PAX9: variants seen among roughly 807,000 people sequenced by gnomAD.
PAX9 encodes the protein paired box protein Pax-9.
In PAX9, 6 loss-of-function variants were observed where a neutral mutation model predicts 29.1. The ratio of observed to expected loss-of-function variants is 0.21; its 90% CI spans 0.11 to 0.41. The LOEUF (loss-of-function observed/expected upper bound fraction) is 0.41, where lower values mean the gene tolerates loss of function less well. Among genes scored for constraint, PAX9 ranks in the 10% least tolerant of loss-of-function variants. The pLI, the probability that PAX9 is intolerant of heterozygous loss-of-function variation, is 1.00. For synonymous variants in PAX9, 217 were observed against 211.7 expected (o/e 1.03, Z -0.22); for missense variants, 443 against 479.1 (o/e 0.92, Z 0.70).
chr14:36,662,243 G>T, intron 1 of PAX9, 150 bp downstream of exon 1: 1 of 952,750 alleles, frequency 1.0e-6, no homozygotes, highest in South Asian at 1.7e-5. Flanking sequence ...CAAGTTGTAG[G>T]AACACGCTAA....
chr14:36,662,554 T>G, intron 1 of PAX9: 1 of 441,166 alleles, frequency 2.3e-6, no homozygotes. Context: ...CTCAAGGACT[T>G]TAGTGAGGAG....
intron 3 of PAX9, among the ~76,000 whole-genome samples, 188 bp downstream of exon 3, chr14:36,666,789 T>G (rs1278522023): frequency 6.6e-6 from 1 of 152,162 alleles, no homozygotes; most frequent in Non-Finnish European, 1.5e-5. Flanking sequence ...AAGGCGGAGC[T>G]GGGGCCTCGA....
Position 36,677,180 on chromosome 14 carries a change from CCT to C in PAX9, c.*733_*734del, listed in dbSNP as rs1166431320. On this transcript the variant is annotated 3_prime_UTR_variant, in exon 4 of 4. Coordinates refer to ENST00000361487, the MANE Select transcript of PAX9 (RefSeq NM_001372076.1). Reference sequence around the variant, plus strand: ...TATTCCCCTCCCCTCAGCCCCACCCCCTCTCTATTTTTTTCTTTCTTTTTTGC... The same window carrying C: ...TATTCCCCTCCCCTCAGCCCCACCCCCTCTATTTTTTTCTTTCTTTTTTGC... 1 of 152,278 alleles carries C rather than the reference CCT, an allele frequency of 6.6e-6. No homozygotes were observed. Among genetic ancestry groups the C allele is most frequent in the Non-Finnish European group, 1.5e-5 (1 of 68,166 alleles). 9.4% of individuals were successfully genotyped at this position (152,278 alleles called of 1,614,324 possible). A position where few individuals can be genotyped will look rare whatever the true frequency, so the allele number is the denominator to read the frequency against.
upstream of PAX9, among the ~76,000 whole-genome samples, chr14:36,658,160 T>G (rs923980986): frequency 1.3e-5 from 2 of 151,938 alleles, no homozygotes; most frequent in African/African-American, 2.4e-5. Context: ...GAGGGCCGAG[T>G]TCTGGAGAAG....
intron 3 of PAX9, among the ~76,000 whole-genome samples, chr14:36,668,492 G>A (rs1041244202): frequency 1.3e-5 from 2 of 152,226 alleles, no homozygotes; most frequent in South Asian, 2.1e-4. Flanking sequence ...GGGTTCAAGC[G>A]GTTCTCCTGC....
At chr14:36,671,005 A>C (rs1258796264) in intron 3 of PAX9, 1 of 420,070 alleles carries the variant, frequency 2.4e-6, no homozygotes, top group African/African-American at 2.1e-5. Context: ...AGAATGACAG[A>C]AAAATGAGTT....
chr14:36,663,161 A>G lies in PAX9; in HGVS notation c.269A>G (p.Tyr90Cys), dbSNP rs1269537934. 1.9e-6 allele frequency: 3 copies of G among 1,614,002 alleles called. No individual in the cohort carries two copies. The highest frequency in any genetic ancestry group is 2.2e-5 in the East Asian group (1 of 44,832). The change falls in exon 2 of 4, where the codon TAC becomes TGC. Residue 90 changes from tyrosine (Y) to cysteine (C), a missense_variant. Physicochemically the swap from Tyr to Cys is radical, Grantham distance 194. Transcript: ENST00000361487. ...TPTVVKHIRT[Y>C]KQRDPGIFAW... is the part of the protein sequence containing the mutation. ...ACCGTGGTGAAACACATCCGGACCT[A>G]CAAGCAGAGAGACCCCGGCATCTTC...
intron 3 of PAX9, among the ~76,000 whole-genome samples, chr14:36,674,069 A>G (rs1302693485): frequency 6.6e-6 from 1 of 152,240 alleles, no homozygotes; most frequent in Non-Finnish European, 1.5e-5. Flanking sequence ...AAAAATGATT[A>G]AAACTATAAT....
upstream of PAX9, among the ~76,000 whole-genome samples, chr14:36,660,823 AG>A (rs1594464898): frequency 2.0e-5 from 3 of 152,266 alleles, no homozygotes; most frequent in East Asian, 5.8e-4. Flanking sequence ...GCTGCAAAAA[AG>A]CATACGGTAC....
Position 36,678,411 on chromosome 14 carries a change from G to A in PAX9, c.*1959G>A, listed in dbSNP as rs1185120083. The A allele has an allele frequency of 2.5e-6, 3 of 1,201,710 alleles. No individual in the cohort carries two copies. The highest frequency in any genetic ancestry group is 2.6e-5 in the South Asian group (2 of 77,268). 74.4% of individuals were successfully genotyped at this position (1,201,710 alleles called of 1,614,324 possible). A position where few individuals can be genotyped will look rare whatever the true frequency, so the allele number is the denominator to read the frequency against. On this transcript the variant is annotated 3_prime_UTR_variant, in exon 4 of 4. Transcript: ENST00000361487. ...ACTTCAGGAGAAGAATAAGCAGAAG[G>A]AGCAGATGAACTCTCAGGGCCATAG...
rs376680816 is a variant in PAX9, at chr14:36,666,432, C to T, written c.632-30C>T. 4.9e-5 allele frequency: 79 copies of T among 1,603,902 alleles called. No individual in the cohort carries two copies. In the African/African-American group the frequency reaches 7.4e-4, roughly 15 times the overall value. On this transcript the variant is annotated intron_variant, in intron 2 of 3. Transcript: ENST00000361487. ...GAGTGGGGCGCGCGGGCTGGGCCTCCGGCCTGACACCCTCTCTTCTCTCCA... is the reference window on the plus strand; with the variant it reads ...GAGTGGGGCGCGCGGGCTGGGCCTCTGGCCTGACACCCTCTCTTCTCTCCA...
intron 1 of PAX9, 164 bp from the exon 2 acceptor site, chr14:36,662,733 C>T: frequency 1.2e-6 from 1 of 803,474 alleles, no homozygotes; most frequent in Non-Finnish European, 2.0e-6. Context: ...CGGTTTGGGG[C>T]CGTTCGGCTA....
In PAX9 at chr14:36,678,740, T is replaced by TATA. The variant is rs1472931291; in HGVS notation, c.*2291_*2293dup. On this transcript the variant is annotated 3_prime_UTR_variant, in exon 4 of 4. Transcript: ENST00000361487. The stretch of plus-strand genomic sequence containing the variant: ...AGAAATCTCTTGTTATTGTGCTATT[T>TATA]ATAATTTTTTTCTGGTTCTTGTATT... 5.2e-6 allele frequency: 6 copies of TATA among 1,156,494 alleles called. No homozygotes were observed. The highest frequency in any genetic ancestry group is 4.8e-5 in the African/African-American group (3 of 62,770). 71.6% of individuals were successfully genotyped at this position (1,156,494 alleles called of 1,614,324 possible).
chr14:36,658,666 T>G (rs975494474), upstream of PAX9: 1 of 152,212 alleles, frequency 6.6e-6, no homozygotes. Flanking sequence ...GGGTACAGTC[T>G]GCCGGGCTAG....
chr14:36,669,756 T>C (rs889431513), intron 3 of PAX9, among the ~76,000 whole-genome samples: 1 of 152,124 alleles, frequency 6.6e-6, no homozygotes, highest in South Asian at 2.1e-4. Flanking sequence ...CTATCTTTTG[T>C]CTTTGAAAAT....
At chr14:36,659,343 T>C (rs1881166757), upstream of PAX9, among the ~76,000 whole-genome samples, 1 of 152,168 alleles carries the variant, frequency 6.6e-6, no homozygotes, top group Non-Finnish European at 1.5e-5. Flanking sequence ...CTCAGATCCG[T>C]CGTCTCTCGG....
At position 36,676,325 on chromosome 14, in the gene PAX9, A is replaced by T. The variant is rs773374693; in HGVS notation, c.899A>T (p.His300Leu). Residue 300 changes from histidine (H) to leucine (L), a missense_variant, in exon 4 of 4, where the codon CAT (histidine) becomes CTT (leucine). His to Leu is a moderately conservative substitution (Grantham distance 99). Around this residue, in one of 2 missense-constraint regions of PAX9, gnomAD observed 336 missense variants for 317.2 expected, o/e 1.06. Transcript: ENST00000361487. ...GCTCCTTCTGGTTATGTTGCTGGACATGGGTGGCAACATGCTGGGGGCACC... is the reference window on the plus strand; with the variant it reads ...GCTCCTTCTGGTTATGTTGCTGGACTTGGGTGGCAACATGCTGGGGGCACC... ...SAAPSGYVAG[H>L]GWQHAGGTSL... 9.9e-6 allele frequency: 16 copies of T among 1,614,034 alleles called. No individual in the cohort carries two copies. Among genetic ancestry groups the T allele is most frequent in the Non-Finnish European group, 1.3e-5 (15 of 1,180,050 alleles).
At chr14:36,667,059 C>T (rs1016490258) in intron 3 of PAX9, among the ~76,000 whole-genome samples, 1 of 152,198 alleles carries the variant, frequency 6.6e-6, no homozygotes, top group African/African-American at 2.4e-5. Context: ...GTCTCGGCCC[C>T]ACGGTGCGAC....
chr14:36,671,341 G>A (rs904924343), intron 3 of PAX9, among the ~76,000 whole-genome samples: 1 of 152,074 alleles, frequency 6.6e-6, no homozygotes, highest in African/African-American at 2.4e-5. Flanking sequence ...GGTCACAAGT[G>A]TTTTGATACT....
Sources: gnomAD v4.1 joint callset for allele counts (sites outside exome capture counted in the v4.1 genomes callset) on GRCh38, gnomAD v4.1.1 for gene constraint, gnomAD v4.1.1 regional missense constraint, MANE v1.5 for transcripts, NCBI Gene and HGNC (gene_info 2026-07-23, HGNC 2026-07-21) for gene names.